Variants in MAD1L1 observed in about 807,000 individuals in gnomAD.
The protein encoded by MAD1L1 is mitotic arrest deficient 1 like 1, also known as mitotic spindle assembly checkpoint protein MAD1.
Under a neutral mutation model 96.9 loss-of-function variants are expected in MAD1L1, and 95 were observed. The ratio of observed to expected loss-of-function variants is 0.98; its 90% CI spans 0.83 to 1.16. The LOEUF (loss-of-function observed/expected upper bound fraction) is 1.16, where lower values mean the gene tolerates loss of function less well. MAD1L1 is among the 50% of genes most tolerant of loss of function. The pLI, the probability that MAD1L1 is intolerant of heterozygous loss-of-function variation, is 0.00. For synonymous variants in MAD1L1, 473 were observed against 396.6 expected (o/e 1.19, Z -2.29); for missense variants, 1,007 against 954.4 (o/e 1.06, Z -0.73).
intron 10 of MAD1L1, among the ~76,000 whole-genome samples, chr7:2,166,812 A>T (rs1461399175): frequency 3.3e-5 from 5 of 152,168 alleles, no homozygotes; most frequent in African/African-American, 4.8e-5. Context: ...CTCCATCATC[A>T]TGCCAGGCGA....
At chr7:2,161,259 G>GCA (rs1205929770) in intron 10 of MAD1L1, among the ~76,000 whole-genome samples, 1 of 151,616 alleles carries the variant, frequency 6.6e-6, no homozygotes, top group Non-Finnish European at 1.5e-5. Context: ...GGCGCGCGCC[G>GCA]CCAAGCCTGA....
chr7:1,832,617 GT>G lies in MAD1L1; in HGVS notation c.1999-16390del, dbSNP rs1554266480. 3.5e-4 allele frequency among the ~76,000 whole-genome samples: 17 copies of G among 48,932 alleles called. 1 individual carries two copies. The highest frequency in any genetic ancestry group is 1.1e-3 in the Admixed American group (4 of 3,496). 32.1% of individuals were successfully genotyped at this position (48,932 alleles called of 152,430 possible). On this transcript the variant is annotated intron_variant, in intron 18 of 18. Coordinates refer to ENST00000265854, the MANE Select transcript of MAD1L1 (RefSeq NM_001013836.2). ...TCAATGTGGCCAGCTTCATTGCTGT[GT>G]TTTTTTTTTTTTGGCGGGGGGGGGG...
At chr7:2,019,774 C>G (rs542828764) in intron 12 of MAD1L1, among the ~76,000 whole-genome samples, 1 of 152,164 alleles carries the variant, frequency 6.6e-6, no homozygotes, top group Non-Finnish European at 1.5e-5. Flanking sequence ...GCACATGAGG[C>G]GGCGTCCCTG....
chr7:2,210,924 C>G (rs1358146345), intron 10 of MAD1L1, among the ~76,000 whole-genome samples: 2 of 152,356 alleles, frequency 1.3e-5, no homozygotes, highest in East Asian at 1.9e-4. Flanking sequence ...ACGATCACGT[C>G]GGATCTTCAC....
intron 17 of MAD1L1, among the ~76,000 whole-genome samples, chr7:1,917,144 G>A (rs1417131020): frequency 2.6e-5 from 4 of 152,202 alleles, no homozygotes; most frequent in South Asian, 2.1e-4. Context: ...CCCCAGGGCC[G>A]AGCGTCCAGG....
At chr7:2,104,767 T>C (rs1367683711) in intron 11 of MAD1L1, among the ~76,000 whole-genome samples, 1 of 152,136 alleles carries the variant, frequency 6.6e-6, no homozygotes, top group Non-Finnish European at 1.5e-5. Context: ...AAGACCTCAC[T>C]GCCAAATCCC....
intron 11 of MAD1L1, among the ~76,000 whole-genome samples, chr7:2,143,314 C>T (rs1584418810): frequency 6.6e-6 from 1 of 150,784 alleles, no homozygotes; most frequent in Non-Finnish European, 1.5e-5. Context: ...GGGAACAGCC[C>T]AGCCACCATG....
At chr7:2,193,936 ATT>A (rs35067993) in intron 10 of MAD1L1, among the ~76,000 whole-genome samples, 31 of 82,798 alleles carry the variant, frequency 3.7e-4, no homozygotes, top group African/African-American at 1.3e-3. Flanking sequence ...CTCTGCATGG[ATT>A]TTTTTTTTTT....
chr7:1,896,101 G>A (rs1753251620), intron 18 of MAD1L1, among the ~76,000 whole-genome samples: 1 of 152,214 alleles, frequency 6.6e-6, no homozygotes, highest in Non-Finnish European at 1.5e-5. Context: ...CTGGGGAGCT[G>A]GCCAGCTCCT....
At chr7:1,974,915 G>T (rs1388176225) in intron 15 of MAD1L1, among the ~76,000 whole-genome samples, 1 of 152,254 alleles carries the variant, frequency 6.6e-6, no homozygotes, top group African/African-American at 2.4e-5. Context: ...CCGGGGTACA[G>T]GACCCAGGCA....
chr7:2,185,616 G>A (rs1345124572), intron 10 of MAD1L1, among the ~76,000 whole-genome samples: 7 of 152,092 alleles, frequency 4.6e-5, no homozygotes, highest in South Asian at 2.1e-4. Context: ...TCTAAGCCAC[G>A]TGCATGCTTC....
At chr7:2,085,747 T>C (rs574440900) in intron 11 of MAD1L1, among the ~76,000 whole-genome samples, 1 of 152,222 alleles carries the variant, frequency 6.6e-6, no homozygotes, top group East Asian at 1.9e-4. Context: ...TGGCCCCATC[T>C]CTTGGCTACT....
intron 14 of MAD1L1, among the ~76,000 whole-genome samples, chr7:1,983,433 A>T (rs1417532356): frequency 6.6e-6 from 1 of 152,164 alleles, no homozygotes; most frequent in Non-Finnish European, 1.5e-5. Flanking sequence ...GATCTGTTTA[A>T]AATTTCTCTC....
intron 10 of MAD1L1, among the ~76,000 whole-genome samples, chr7:2,184,777 G>A (rs947622715): frequency 3.9e-5 from 6 of 152,114 alleles, no homozygotes; most frequent in Admixed American, 6.5e-5. Flanking sequence ...TGAGGCAGGC[G>A]GATCACCTGA....
intron 10 of MAD1L1, among the ~76,000 whole-genome samples, chr7:2,188,968 A>G (rs1791588255): frequency 6.6e-6 from 1 of 152,176 alleles, no homozygotes; most frequent in African/African-American, 2.4e-5. Flanking sequence ...ATACAAGGGA[A>G]CTCCTAAAAC....
chr7:2,135,719 C>A (rs779273275), intron 11 of MAD1L1, among the ~76,000 whole-genome samples: 8 of 152,174 alleles, frequency 5.3e-5, no homozygotes, highest in Non-Finnish European at 1.0e-4. Context: ...CTCTCACGGC[C>A]ACATATGGGA....
intron 10 of MAD1L1, among the ~76,000 whole-genome samples, chr7:2,181,812 C>CTATATATA (rs35246222): frequency 1.7e-4 from 25 of 149,322 alleles, no homozygotes; most frequent in African/African-American, 6.1e-4. Context: ...AATGTGGTCT[C>CTATATATA]TATATATATA....
Position 2,139,313 on chromosome 7 carries a change from C to T in MAD1L1, c.1073+9839G>A, listed in dbSNP as rs545941954. On this transcript the variant is annotated intron_variant, in intron 11 of 18. Transcript: ENST00000265854. ...CGCACCCCCACCCCACCCTAGCTCA[C>T]GGGACCACCCTCCCTCTGAGCTCAC... Among the ~76,000 whole-genome samples, 13 of 151,658 alleles carry T rather than the reference C, an allele frequency of 8.6e-5. No individual in the cohort carries two copies. In the East Asian group the frequency reaches 2.5e-3, roughly 30 times the overall value.
chr7:1,863,238 G>A (rs1784616052), intron 18 of MAD1L1, among the ~76,000 whole-genome samples: 1 of 152,296 alleles, frequency 6.6e-6, no homozygotes, highest in Non-Finnish European at 1.5e-5. Flanking sequence ...CCAGGGCGGG[G>A]TGAATGCCGG....
Sources: allele counts gnomAD v4.1 joint callset (sites outside exome capture counted in the v4.1 genomes callset), GRCh38; gene constraint gnomAD v4.1.1; transcripts MANE v1.5; gene names NCBI Gene and HGNC (gene_info 2026-07-23, HGNC 2026-07-21).